Variants in GAPVD1 observed in about 807,000 individuals in gnomAD.
The protein encoded by GAPVD1 is GTPase activating protein and VPS9 domains 1, also known as GTPase-activating protein and VPS9 domain-containing protein 1.
A neutral mutation model predicts 155.5 loss-of-function variants in GAPVD1; 35 were observed. The ratio of observed to expected loss-of-function variants is 0.23; its 90% CI spans 0.17 to 0.30. The LOEUF is 0.30. Among genes scored for constraint, GAPVD1 ranks in the 10% least tolerant of loss-of-function variants. The pLI, the probability that GAPVD1 is intolerant of heterozygous loss-of-function variation, is 1.00. For missense variants in GAPVD1, 1,429 were observed against 1,775.7 expected (o/e 0.80, Z 3.51); for synonymous variants, 636 against 619.7 (o/e 1.03, Z -0.39).
At chr9:125,308,289 T>C in intron 8 of GAPVD1, 1 of 188,486 alleles carries the variant, frequency 5.3e-6, no homozygotes, top group Non-Finnish European at 1.1e-5. Context: ...GAGGCTGCAG[T>C]GAACCATGAT....
intron 5 of GAPVD1, among the ~76,000 whole-genome samples, chr9:125,303,725 G>A (rs1841323460): frequency 6.8e-6 from 1 of 148,120 alleles, no homozygotes; most frequent in Non-Finnish European, 1.5e-5. Flanking sequence ...GCGATGAGCT[G>A]AGATTGCACC....
At chr9:125,328,551 A>G (rs1456028631) in intron 12 of GAPVD1, among the ~76,000 whole-genome samples, 3 of 144,574 alleles carry the variant, frequency 2.1e-5, no homozygotes, top group African/African-American at 5.3e-5. Flanking sequence ...CCAAGGCAGA[A>G]GAATTTTTCT....
At chr9:125,277,489 A>G (rs1227951779) in intron 2 of GAPVD1, among the ~76,000 whole-genome samples, 2 of 152,126 alleles carry the variant, frequency 1.3e-5, no homozygotes, top group African/African-American at 4.8e-5. Context: ...ACTAGTAGAA[A>G]TTGTCACTGG....
chr9:125,327,493 T>G (rs893681865), intron 12 of GAPVD1, among the ~76,000 whole-genome samples: 2 of 150,870 alleles, frequency 1.3e-5, no homozygotes, highest in African/African-American at 2.4e-5. Flanking sequence ...AACCAATAGG[T>G]TTTTTTTTGT....
chr9:125,336,773 T>C lies in GAPVD1; in HGVS notation c.2429-245T>C, dbSNP rs912314252. On this transcript the variant is annotated intron_variant, in intron 15 of 27. Transcript: ENST00000297933. ...ATGAACCATACTAGCATTTGGCCATTAGAAGTAACAGGCATGTAGATGCCA... is the reference window on the plus strand; with the variant it reads ...ATGAACCATACTAGCATTTGGCCATCAGAAGTAACAGGCATGTAGATGCCA... 1.9e-5 allele frequency: 9 copies of C among 471,648 alleles called. No individual in the cohort carries two copies. The East Asian group carries it at 3.1e-4, about 16-fold the overall frequency. The allele number at this position is 471,648 out of a possible 1,614,324, so 29.2% of individuals were successfully genotyped here. A position where few individuals can be genotyped will look rare whatever the true frequency, so the allele number is the denominator to read the frequency against.
intron 2 of GAPVD1, among the ~76,000 whole-genome samples, chr9:125,278,037 T>A (rs1378722099): frequency 1.3e-5 from 2 of 152,150 alleles, no homozygotes; most frequent in Non-Finnish European, 2.9e-5. Context: ...AATTTTTAGA[T>A]CATGTAATTT....
intron 15 of GAPVD1, among the ~76,000 whole-genome samples, chr9:125,336,504 T>A (rs868017299): frequency 6.6e-6 from 1 of 152,210 alleles, no homozygotes; most frequent in African/African-American, 2.4e-5. Context: ...ATTTATTTTT[T>A]AATTTTTAGT....
At chr9:125,270,426 C>T (rs1445215317) in intron 2 of GAPVD1, among the ~76,000 whole-genome samples, 1 of 151,616 alleles carries the variant, frequency 6.6e-6, no homozygotes, top group Middle Eastern at 3.2e-3. Context: ...TAGAGTCTGT[C>T]TCAAAAAAAC....
At position 125,307,733 on chromosome 9, in the gene GAPVD1, G is replaced by A. The variant is rs374314127; in HGVS notation, c.1294G>A (p.Glu432Lys). 1 of 1,613,980 alleles carries A rather than the reference G, an allele frequency of 6.2e-7. No homozygotes were observed. Among genetic ancestry groups the A allele is most frequent in the Non-Finnish European group, 8.5e-7 (1 of 1,179,970 alleles). The part of the protein sequence containing the change: ...KSVMSGDQLR[E>K]DRMALDNLLA... ...TGTGATGTCTGGAGATCAACTGAGA[G>A]AAGATAGAATGGCTCTTGACAATTT... Residue 432 changes from glutamate (E) to lysine (K), a missense_variant, in exon 8 of 28, where the codon GAA becomes AAA. Coordinates refer to ENST00000297933, the MANE Select transcript of GAPVD1 (RefSeq NM_001282680.3).
At chr9:125,350,494 C>A in intron 22 of GAPVD1, 90 bp downstream of exon 22, 1 of 857,478 alleles carries the variant, frequency 1.2e-6, no homozygotes, top group South Asian at 1.4e-5. Context: ...AGCTGTACAG[C>A]AATTCCATAT....
At chr9:125,308,009 GTATTTCAGTTTTTA>G in intron 8 of GAPVD1, 129 bp downstream of exon 8, 1 of 680,440 alleles carries the variant, frequency 1.5e-6, no homozygotes, top group Non-Finnish European at 2.6e-6. Flanking sequence ...TTTACTGATG[GTATTTCAGTTTTTA>G]GAAATCGTAT....
intron 21 of GAPVD1, 24 bp downstream of exon 21, chr9:125,349,543 AC>A (rs748552256): frequency 4.4e-6 from 7 of 1,608,240 alleles, no homozygotes; most frequent in Non-Finnish European, 6.0e-6. Context: ...AGGATTTGGG[AC>A]TTTAGGGTTT....
intron 2 of GAPVD1, among the ~76,000 whole-genome samples, chr9:125,289,672 G>T (rs1037275436): frequency 2.0e-5 from 3 of 152,042 alleles, no homozygotes; most frequent in African/African-American, 7.2e-5. Flanking sequence ...ATTTTGAGAT[G>T]CGTATTAGAC....
chr9:125,290,536 A>T (rs935293759), intron 2 of GAPVD1, among the ~76,000 whole-genome samples: 8 of 152,166 alleles, frequency 5.3e-5, no homozygotes, highest in Non-Finnish European at 1.5e-5. Flanking sequence ...ATTTTTCTCA[A>T]TGAAGACAAA....
chr9:125,350,655 CTTAT>C lies in GAPVD1; in HGVS notation c.3410-54_3410-51del, dbSNP rs1442859156. 3.7e-6 allele frequency: 4 copies of C among 1,075,144 alleles called. No homozygotes were observed. The African/African-American group carries it at 6.3e-5, about 17-fold the overall frequency. The allele number at this position is 1,075,144 out of a possible 1,614,324, so 66.6% of individuals were successfully genotyped here. A position where few individuals can be genotyped will look rare whatever the true frequency, so the allele number is the denominator to read the frequency against. Reference sequence around the variant, plus strand: ...ATTGACGTCCCAAATGCTGAATTAGCTTATTTAAGCACATGGAAATTCTCAAGAA... The same window carrying C: ...ATTGACGTCCCAAATGCTGAATTAGCTTAAGCACATGGAAATTCTCAAGAA... On this transcript the variant is annotated intron_variant, in intron 22 of 27. Coordinates refer to ENST00000297933, the MANE Select transcript of GAPVD1 (RefSeq NM_001282680.3).
chr9:125,291,761 A>G (rs892213760), intron 2 of GAPVD1, among the ~76,000 whole-genome samples: 4 of 152,182 alleles, frequency 2.6e-5, no homozygotes, highest in Non-Finnish European at 4.4e-5. Context: ...TAAGAGGTCT[A>G]TAGAGGAAGC....
At chr9:125,303,882 T>A (rs1841360013) in intron 5 of GAPVD1, 1 of 152,070 alleles carries the variant, frequency 6.6e-6, no homozygotes, top group Non-Finnish European at 1.5e-5. Flanking sequence ...TGAAATAAAA[T>A]TTTTAACTTT....
intron 2 of GAPVD1, among the ~76,000 whole-genome samples, chr9:125,275,402 T>A (rs1835611211): frequency 6.6e-6 from 1 of 152,194 alleles, no homozygotes; most frequent in African/African-American, 2.4e-5. Flanking sequence ...TTGATGGACA[T>A]CTTTCTACAT....
intron 2 of GAPVD1, among the ~76,000 whole-genome samples, chr9:125,280,440 T>C (rs2132122373): frequency 6.7e-6 from 1 of 150,142 alleles, no homozygotes. Flanking sequence ...AGACCATCCA[T>C]GAAAAGCCCG....
Sources: allele counts gnomAD v4.1 joint callset (sites outside exome capture counted in the v4.1 genomes callset), GRCh38; gene constraint gnomAD v4.1.1; transcripts MANE v1.5; gene names NCBI Gene and HGNC (gene_info 2026-07-23, HGNC 2026-07-21).